The following GRAMD1B variants were observed in gnomAD, a reference collection of about 807,000 sequenced individuals.
The protein encoded by GRAMD1B is GRAM domain containing 1B, also known as protein Aster-B.
A neutral mutation model predicts 99.7 loss-of-function variants in GRAMD1B; 37 were observed. That is an observed-to-expected ratio of 0.37 (90% CI 0.29 to 0.49). GRAMD1B has a LOEUF of 0.49. GRAMD1B is among the 20% of genes least tolerant of loss of function. GRAMD1B has a pLI of 0.98. For synonymous variants in GRAMD1B, 427 were observed against 387.6 expected (o/e 1.10, Z -1.19); for missense variants, 888 against 1,009.2 (o/e 0.88, Z 1.63).
chr11:123,393,070 A>G (rs767088504), intron 1 of GRAMD1B, among the ~76,000 whole-genome samples: 1 of 152,230 alleles, frequency 6.6e-6, no homozygotes, highest in Non-Finnish European at 1.5e-5. Flanking sequence ...CTGCTCTGTG[A>G]CTAATAAATG....
intron 1 of GRAMD1B, among the ~76,000 whole-genome samples, chr11:123,370,463 C>A (rs1292262200): frequency 6.6e-6 from 1 of 151,230 alleles, no homozygotes; most frequent in Non-Finnish European, 1.5e-5. Context: ...ACCTCAGCCT[C>A]CTGAGTAGCT....
At chr11:123,406,077 C>T (rs528509659) in intron 1 of GRAMD1B, among the ~76,000 whole-genome samples, 6 of 149,928 alleles carry the variant, frequency 4.0e-5, no homozygotes, top group Admixed American at 1.3e-4. Context: ...TGCAGTGATG[C>T]GATCTCAGCT....
chr11:123,368,909 G>T (rs1042882020), intron 1 of GRAMD1B, among the ~76,000 whole-genome samples: 2 of 150,990 alleles, frequency 1.3e-5, no homozygotes, highest in African/African-American at 4.9e-5. Flanking sequence ...GCAGTTGAGA[G>T]TTTGAGCTCC....
At chr11:123,448,183 A>C (rs1949723570) in intron 1 of GRAMD1B, among the ~76,000 whole-genome samples, 1 of 150,374 alleles carries the variant, frequency 6.7e-6, no homozygotes, top group Non-Finnish European at 1.5e-5. Context: ...GTTTCTTCTT[A>C]TTTCTCCTCC....
chr11:123,365,517 G>A (rs1012067044), intron 1 of GRAMD1B, among the ~76,000 whole-genome samples: 29 of 152,252 alleles, frequency 1.9e-4, no homozygotes, highest in African/African-American at 7.0e-4. Flanking sequence ...CTCCCAAAGT[G>A]TTGGGATTAC....
rs1380983554 is a variant in GRAMD1B, at chr11:123,430,425, G to T, written c.-368G>T. On this transcript the variant is annotated 5_prime_UTR_variant, in exon 1 of 20. Coordinates refer to ENST00000635736, the MANE Select transcript of GRAMD1B (RefSeq NM_001387025.1). ...CCGCCCCCTGGGGCCCCTGGCTGCCGAGTCCCGCTAAGGCAAAGACGCCAG... is the reference window on the plus strand; with the variant it reads ...CCGCCCCCTGGGGCCCCTGGCTGCCTAGTCCCGCTAAGGCAAAGACGCCAG... 1 of 244,646 alleles carries T rather than the reference G, an allele frequency of 4.1e-6. No homozygotes were observed. Among genetic ancestry groups the T allele is most frequent in the Non-Finnish European group, 7.8e-6 (1 of 128,816 alleles). 15.2% of individuals were successfully genotyped at this position (244,646 alleles called of 1,614,324 possible).
chr11:123,406,460 T>C (rs991786330), intron 1 of GRAMD1B, among the ~76,000 whole-genome samples: 8 of 151,916 alleles, frequency 5.3e-5, no homozygotes, highest in Non-Finnish European at 1.2e-4. Flanking sequence ...CACCATATTG[T>C]CCAGGCTGGT....
chr11:123,368,275 A>AAAAAAAAAAAAAAAAG (rs60644137), intron 1 of GRAMD1B, among the ~76,000 whole-genome samples: 2 of 127,110 alleles, frequency 1.6e-5, no homozygotes, highest in Non-Finnish European at 1.5e-5. Context: ...AAAAAAAAAA[A>AAAAAAAAAAAAAAAAG]AAAGAAAGAA....
chr11:123,540,041 A>G (rs1321933276), intron 2 of GRAMD1B, among the ~76,000 whole-genome samples: 1 of 151,542 alleles, frequency 6.6e-6, no homozygotes, highest in East Asian at 1.9e-4. Flanking sequence ...AATCTTCTCT[A>G]AGAGTAAAGA....
chr11:123,619,448 G>A, intron 19 of GRAMD1B: 1 of 1,331,092 alleles, frequency 7.5e-7, no homozygotes, highest in Non-Finnish European at 9.7e-7. Context: ...ATGACCCACT[G>A]AATTTGCACC....
At chr11:123,561,194 A>C (rs778530490) in intron 2 of GRAMD1B, among the ~76,000 whole-genome samples, 1 of 152,202 alleles carries the variant, frequency 6.6e-6, no homozygotes, top group Non-Finnish European at 1.5e-5. Flanking sequence ...GGCACAATGC[A>C]TCATGGAGAA....
chr11:123,446,761 T>A (rs938681780), intron 1 of GRAMD1B, among the ~76,000 whole-genome samples: 7 of 152,062 alleles, frequency 4.6e-5, no homozygotes, highest in African/African-American at 1.7e-4. Flanking sequence ...ACTGTTGCTG[T>A]GTGCTTGGGA....
At chr11:123,388,069 T>G (rs1283148409) in intron 1 of GRAMD1B, among the ~76,000 whole-genome samples, 1 of 138,884 alleles carries the variant, frequency 7.2e-6, no homozygotes, top group Non-Finnish European at 1.5e-5. Context: ...GAGGTTGCAG[T>G]GAGCCGAGAT....
At chr11:123,569,164 A>G (rs1947768063) in intron 2 of GRAMD1B, among the ~76,000 whole-genome samples, 1 of 152,136 alleles carries the variant, frequency 6.6e-6, no homozygotes, top group Non-Finnish European at 1.5e-5. Context: ...GTTGGACCTG[A>G]AAGGCCCTTT....
intron 6 of GRAMD1B, among the ~76,000 whole-genome samples, chr11:123,595,554 A>T (rs769989135): frequency 1.5e-4 from 23 of 152,132 alleles, no homozygotes; most frequent in Non-Finnish European, 2.6e-4. Context: ...TCCGCCTCCC[A>T]AAGTGCTGTG....
At chr11:123,423,777 A>G (rs760078236) in intron 1 of GRAMD1B, among the ~76,000 whole-genome samples, 1 of 152,328 alleles carries the variant, frequency 6.6e-6, no homozygotes, top group Non-Finnish European at 1.5e-5. Flanking sequence ...ATTTGTGTTC[A>G]TCTTCTACTA....
chr11:123,590,507 T>G (rs1950539244), intron 4 of GRAMD1B, among the ~76,000 whole-genome samples: 1 of 152,194 alleles, frequency 6.6e-6, no homozygotes, highest in South Asian at 2.1e-4. Flanking sequence ...TGGGGGTTAC[T>G]GGAGGACATT....
chr11:123,602,892 G>A (rs540286869), intron 8 of GRAMD1B, among the ~76,000 whole-genome samples: 1 of 152,302 alleles, frequency 6.6e-6, no homozygotes, highest in African/African-American at 2.4e-5. Flanking sequence ...CATAGGAACT[G>A]TCCAGCTATG....
At chr11:123,518,338 A>G (rs149192596) in intron 2 of GRAMD1B, among the ~76,000 whole-genome samples, 2 of 152,242 alleles carry the variant, frequency 1.3e-5, no homozygotes, top group South Asian at 2.1e-4. Flanking sequence ...GGAATCCTCT[A>G]TGGGGATTTC....
Sources: allele counts gnomAD v4.1 joint callset (sites outside exome capture counted in the v4.1 genomes callset), GRCh38; gene constraint gnomAD v4.1.1; transcripts MANE v1.5; gene names NCBI Gene and HGNC (gene_info 2026-07-23, HGNC 2026-07-21).